The following ADAMTS17 variants were observed in gnomAD, a reference collection of about 807,000 sequenced individuals.
ADAMTS17 encodes ADAM metallopeptidase with thrombospondin type 1 motif 17, also known as A disintegrin and metalloproteinase with thrombospondin motifs 17.
ADAMTS17 carries 113 observed loss-of-function variants against 141.5 expected under a neutral mutation model. The observed-to-expected ratio is 0.80, with a 90% CI of 0.69 to 0.93. The LOEUF is 0.93. Ranked by LOEUF, ADAMTS17 falls within the 40% of genes least tolerant of loss-of-function variation. The probability of loss-of-function intolerance (pLI) is 0.00; values close to 1 mark genes in which losing one functional copy is unlikely to be tolerated. For missense variants in ADAMTS17, 1,659 were observed against 1,517.9 expected, an observed-to-expected ratio of 1.09 and a Z score of -1.54; for synonymous variants, 768 against 630.6, an observed-to-expected ratio of 1.22 and a Z score of -3.27.
intron 18 of ADAMTS17, among the ~76,000 whole-genome samples, chr15:100,012,471 A>G (rs989376802): frequency 1.3e-5 from 2 of 152,188 alleles, no homozygotes; most frequent in African/African-American, 4.8e-5. Context: ...GCCAATTTCT[A>G]GAAGGGTTTT....
intron 18 of ADAMTS17, among the ~76,000 whole-genome samples, chr15:100,042,448 T>C (rs771475798): frequency 4.6e-5 from 7 of 152,250 alleles, no homozygotes; most frequent in African/African-American, 7.2e-5. Context: ...TTCTTCTTTT[T>C]CTTCACAATT....
At chr15:100,026,184 G>C (rs546565419) in intron 18 of ADAMTS17, among the ~76,000 whole-genome samples, 9 of 152,288 alleles carry the variant, frequency 5.9e-5, no homozygotes, top group South Asian at 2.1e-4. Context: ...TTTGTGTCTA[G>C]CTTCTTTATT....
At chr15:100,061,870 G>C (rs571253535) in intron 15 of ADAMTS17, among the ~76,000 whole-genome samples, 3 of 152,214 alleles carry the variant, frequency 2.0e-5, no homozygotes, top group African/African-American at 7.2e-5. Flanking sequence ...AGCATCCCAC[G>C]GAGGGCCTCC....
At chr15:100,246,125 T>C (rs114736913) in intron 7 of ADAMTS17, among the ~76,000 whole-genome samples, 59 of 152,202 alleles carry the variant, frequency 3.9e-4, no homozygotes, top group African/African-American at 1.1e-3. Context: ...CACAACCTAA[T>C]TGGCATTCCG....
In ADAMTS17 at chr15:100,341,962, G is replaced by A; in HGVS notation, c.-63C>T. The stretch of plus-strand genomic sequence containing the variant: ...CGAAGCAGGAGCGCGCTAGGCGGCG[G>A]CGCCAGCCGGAGTGAAGCCCTCCAG... On this transcript the variant is annotated 5_prime_UTR_variant, in exon 1 of 22. Transcript: ENST00000268070. 6.5e-7 allele frequency: 1 copy of A among 1,538,750 alleles called. No homozygotes were observed. Among genetic ancestry groups the A allele is most frequent in the Non-Finnish European group, 8.8e-7 (1 of 1,139,672 alleles).
intron 18 of ADAMTS17, among the ~76,000 whole-genome samples, chr15:100,030,017 T>C (rs1188769029): frequency 6.6e-6 from 1 of 152,210 alleles, no homozygotes; most frequent in Non-Finnish European, 1.5e-5. Flanking sequence ...CTAGACATAT[T>C]GGGAAAATAA....
intron 3 of ADAMTS17, among the ~76,000 whole-genome samples, chr15:100,327,900 T>A (rs978720118): frequency 6.6e-6 from 1 of 152,216 alleles, no homozygotes; most frequent in Non-Finnish European, 1.5e-5. Flanking sequence ...AGATGGCCTT[T>A]GCCGTGTCAG....
At chr15:100,292,558 C>T (rs1272673767) in intron 3 of ADAMTS17, among the ~76,000 whole-genome samples, 1 of 151,870 alleles carries the variant, frequency 6.6e-6, no homozygotes, top group Non-Finnish European at 1.5e-5. Context: ...GAGAGACACT[C>T]ACCCCGTGTG....
At chr15:100,156,031 G>A (rs1011530121) in intron 8 of ADAMTS17, among the ~76,000 whole-genome samples, 2 of 152,200 alleles carry the variant, frequency 1.3e-5, no homozygotes, top group African/African-American at 2.4e-5. Context: ...ACGTGTATAA[G>A]GATGACCATC....
chr15:100,339,575 C>T (rs117344230), intron 2 of ADAMTS17, among the ~76,000 whole-genome samples: 335 of 115,450 alleles, frequency 2.9e-3, no homozygotes, highest in Middle Eastern at 8.8e-3. Context: ...CCACATTCCC[C>T]GCCCCAGGTC....
At chr15:100,336,415 G>A (rs755253369) in intron 2 of ADAMTS17, among the ~76,000 whole-genome samples, 6 of 152,168 alleles carry the variant, frequency 3.9e-5, no homozygotes, top group Non-Finnish European at 5.9e-5. Context: ...CAATACTTCC[G>A]TGCCTCTCAA....
intron 10 of ADAMTS17, among the ~76,000 whole-genome samples, chr15:100,146,713 T>A (rs2038922150): frequency 6.6e-6 from 1 of 152,246 alleles, no homozygotes; most frequent in Non-Finnish European, 1.5e-5. Flanking sequence ...GGGAGAAGTA[T>A]CGCTGAATTA....
intron 4 of ADAMTS17, among the ~76,000 whole-genome samples, chr15:100,273,234 TCTC>T (rs2043974646): frequency 6.6e-6 from 1 of 152,160 alleles, no homozygotes; most frequent in South Asian, 2.1e-4. Context: ...GGAAGTGTTC[TCTC>T]CTCTTCAGCT....
chr15:100,168,049 C>T (rs57558908), intron 8 of ADAMTS17, among the ~76,000 whole-genome samples: 6 of 152,302 alleles, frequency 3.9e-5, no homozygotes, highest in Non-Finnish European at 7.3e-5. Context: ...ACGAACAAGG[C>T]GGGTACGTGT....
intron 7 of ADAMTS17, among the ~76,000 whole-genome samples, chr15:100,206,666 A>G (rs2041578629): frequency 6.6e-6 from 1 of 152,146 alleles, no homozygotes; most frequent in Admixed American, 6.5e-5. Context: ...GAAGTGTGGT[A>G]TGTTTTGGCT....
At chr15:100,168,231 C>T (rs1442474116) in intron 8 of ADAMTS17, among the ~76,000 whole-genome samples, 2 of 152,200 alleles carry the variant, frequency 1.3e-5, no homozygotes, top group African/African-American at 2.4e-5. Context: ...CGGGAGGAAC[C>T]ACCTCCTGGA....
At chr15:100,194,524 C>T (rs2041039101) in intron 8 of ADAMTS17, among the ~76,000 whole-genome samples, 1 of 152,196 alleles carries the variant, frequency 6.6e-6, no homozygotes, top group Non-Finnish European at 1.5e-5. Flanking sequence ...CTGCCAACTG[C>T]CTCCTTGATC....
intron 7 of ADAMTS17, among the ~76,000 whole-genome samples, chr15:100,233,602 A>C (rs1417059449): frequency 6.6e-6 from 1 of 152,138 alleles, no homozygotes; most frequent in Non-Finnish European, 1.5e-5. Flanking sequence ...TGGGGGCGTG[A>C]AGATGCTGGG....
intron 12 of ADAMTS17, among the ~76,000 whole-genome samples, chr15:100,127,299 G>A (rs1286211473): frequency 6.6e-6 from 1 of 152,180 alleles, no homozygotes; most frequent in Non-Finnish European, 1.5e-5. Flanking sequence ...CCAATGACAA[G>A]CGTTCTTCCA....
Sources: allele counts gnomAD v4.1 joint callset (sites outside exome capture counted in the v4.1 genomes callset), GRCh38; gene constraint gnomAD v4.1.1; transcripts MANE v1.5; gene names NCBI Gene and HGNC (gene_info 2026-07-23, HGNC 2026-07-21).